Variants in NEB observed in about 807,000 individuals in gnomAD.
The protein encoded by NEB is nemaline myopathy type 2.
A neutral mutation model predicts 952.2 loss-of-function variants in NEB; 512 were observed. That is an observed-to-expected ratio of 0.54 (90% confidence interval 0.50 to 0.58). NEB has a LOEUF of 0.58. Among genes scored for constraint, NEB ranks in the 20% least tolerant of loss-of-function variants. NEB has a pLI of 0.00. For missense variants in NEB, 8,428 were observed against 9,231.1 expected, an observed-to-expected ratio of 0.91 and a Z score of 3.56; for synonymous variants, 2,900 against 3,149.8, an observed-to-expected ratio of 0.92 and a Z score of 2.66.
intron 61 of NEB, 72 bp downstream of exon 61, chr2:151,640,283 T>C (rs1216118132): frequency 6.4e-7 from 1 of 1,574,490 alleles, no homozygotes; most frequent in Non-Finnish European, 8.6e-7. Context: ...TTGTGCCATA[T>C]ATTGCCATTT....
intron 169 of NEB, 78 bp downstream of exon 169, chr2:151,499,220 T>G (rs1019441861): frequency 1.3e-6 from 1 of 756,882 alleles, no homozygotes; most frequent in African/African-American, 1.8e-5. Flanking sequence ...GATGAGTTGA[T>G]TAGATTTTTA....
intron 75 of NEB, 148 bp from the exon 76 acceptor site, chr2:151,616,257 G>A (rs2098189829): frequency 3.7e-6 from 2 of 536,664 alleles, no homozygotes; most frequent in East Asian, 3.2e-5. Context: ...TTGCCTCATG[G>A]GTGCTTAGGA....
chr2:151,731,294 G>C (rs1252019429), intron 3 of NEB, among the ~76,000 whole-genome samples: 1 of 152,070 alleles, frequency 6.6e-6, no homozygotes, highest in African/African-American at 2.4e-5. Flanking sequence ...TCTTTTTTTA[G>C]AGCTGTGCCA....
chr2:151,705,954 T>C (rs2099704208), intron 13 of NEB, among the ~76,000 whole-genome samples: 1 of 152,204 alleles, frequency 6.6e-6, no homozygotes, highest in South Asian at 2.1e-4. Flanking sequence ...GAGTAAAGAC[T>C]ACATATTGAT....
chr2:151,671,047 C>T lies in NEB; in HGVS notation c.4482G>A (p.Gln1494=). ...VPDSMGMVLA[Q]HNTKQLSDLN... ...CATCACTTAGCTGCTTTGTGTTATG[C>T]TGAGCCAACACCATGCCCATGGAAT... Residue 1494 remains glutamine, a synonymous_variant, in exon 38 of 182, where the codon CAG becomes CAA. Transcript: ENST00000397345. 2 of 1,613,938 alleles carry T rather than the reference C, an allele frequency of 1.2e-6. No individual in the cohort carries two copies. Among genetic ancestry groups the T allele is most frequent in the Non-Finnish European group, 1.7e-6 (2 of 1,179,832 alleles).
At chr2:151,655,510 A>G (rs1449862576) in intron 50 of NEB, 136 bp from the exon 51 acceptor site, 4 of 518,366 alleles carry the variant, frequency 7.7e-6, no homozygotes, top group Non-Finnish European at 1.3e-5. Context: ...TATAATTCAG[A>G]AAAGACCCTA....
At chr2:151,550,343 A>C (rs763215623) in intron 129 of NEB, among the ~76,000 whole-genome samples, 12 of 151,632 alleles carry the variant, frequency 7.9e-5, no homozygotes, top group Non-Finnish European at 1.5e-4. Flanking sequence ...TATGGCATCT[A>C]GCAAGAATTT....
At chr2:151,616,443 C>T (rs1167866005) in intron 75 of NEB, among the ~76,000 whole-genome samples, 4 of 152,034 alleles carry the variant, frequency 2.6e-5, no homozygotes, top group Non-Finnish European at 4.4e-5. Context: ...AATCCCAGCA[C>T]TTTGGGAGGC....
chr2:151,543,908 G>A (rs1180745567), intron 135 of NEB, among the ~76,000 whole-genome samples: 2 of 152,232 alleles, frequency 1.3e-5, no homozygotes, highest in African/African-American at 4.8e-5. Context: ...ATGTGTATAT[G>A]TCAAGAATCT....
At chr2:151,650,025 G>A in intron 54 of NEB, 151 bp downstream of exon 54, 3 of 745,256 alleles carry the variant, frequency 4.0e-6, no homozygotes, top group Non-Finnish European at 6.5e-6. Context: ...TAGGATAGTT[G>A]CTAATTCAAA....
chr2:151,561,757 T>G (rs1654450732), intron 121 of NEB, among the ~76,000 whole-genome samples: 1 of 152,138 alleles, frequency 6.6e-6, no homozygotes. Context: ...TACTGATCTT[T>G]TTCCTCCAAA....
Position 151,492,499 on chromosome 2 carries a change from T to C in NEB, c.24766-5A>G, listed in dbSNP as rs2152829210. The C allele has an allele frequency of 1.2e-6, 2 of 1,601,626 alleles. No homozygotes were observed. The highest frequency in any genetic ancestry group is 1.7e-5 in the Admixed American group (1 of 59,878). ...GAAACTATCAGAATAAAGAACCTGA[T>C]GCAGGAGAGACCGTGAATGAGTGGT... is the stretch of plus-strand genomic sequence containing the variant. On this transcript the variant is annotated splice_polypyrimidine_tract_variant and splice_region_variant and intron_variant, in intron 176 of 181. Coordinates refer to ENST00000397345, the MANE Select transcript of NEB (RefSeq NM_001164508.2).
At chr2:151,630,585 G>A in intron 67 of NEB, 130 bp downstream of exon 67, 1 of 666,822 alleles carries the variant, frequency 1.5e-6, no homozygotes, top group Non-Finnish European at 2.6e-6. Context: ...ACCCAGAGAT[G>A]AAAGGTTGGA....
intron 165 of NEB, 108 bp downstream of exon 165, chr2:151,505,370 C>T: frequency 1.0e-6 from 1 of 979,558 alleles, no homozygotes; most frequent in Non-Finnish European, 1.6e-6. Flanking sequence ...TCACAACATC[C>T]CCAAGGCATG....
intron 20 of NEB, 196 bp from the exon 21 acceptor site, chr2:151,692,558 C>G: frequency 1.6e-6 from 1 of 618,528 alleles, no homozygotes; most frequent in Non-Finnish European, 2.9e-6. Flanking sequence ...TGCTAATAAT[C>G]ATGAAGATGT....
In NEB at chr2:151,555,049, AGAGAAT is replaced by A. The variant is rs775961828; in HGVS notation, c.19315-11_19315-6del. The A allele has an allele frequency of 6.5e-7, 1 of 1,546,116 alleles. No individual in the cohort carries two copies. The highest frequency in any genetic ancestry group is 1.7e-5 in the Admixed American group (1 of 59,888). On this transcript the variant is annotated splice_region_variant and splice_polypyrimidine_tract_variant and intron_variant, in intron 124 of 181. Coordinates refer to ENST00000397345, the MANE Select transcript of NEB (RefSeq NM_001164508.2). ...ATATTCTTCCCGATATTTGATCTATAGAGAATAAGTAGAAAGGAAGAAACAGTTTTA... is the reference window on the plus strand; with the variant it reads ...ATATTCTTCCCGATATTTGATCTATAAAGTAGAAAGGAAGAAACAGTTTTA...
intron 105 of NEB, among the ~76,000 whole-genome samples, chr2:151,578,460 G>A (rs1481690289): frequency 6.6e-6 from 1 of 151,324 alleles, no homozygotes. Flanking sequence ...AGGGGTTTGA[G>A]ACCAGCCTGG....
chr2:151,551,809 C>T lies in NEB; in HGVS notation c.19873G>A (p.Gly6625Ser). 6.2e-7 allele frequency: 1 copy of T among 1,613,350 alleles called. No homozygotes were observed. Among genetic ancestry groups the T allele is most frequent in the Non-Finnish European group, 8.5e-7 (1 of 1,179,586 alleles). ...GTTTTGGTAGTTGGAGCCACTTTGC[C>T]TCTGACACTGTGCACATAGTCATAG... ...YHYDYVHSVR[G>S]KVAPTTKTVD... Residue 6625 changes from glycine to serine, a missense_variant, in exon 129 of 182, where the codon GGC becomes AGC. Gly to Ser is a moderately conservative substitution (Grantham distance 56). Coordinates refer to ENST00000397345, the MANE Select transcript of NEB (RefSeq NM_001164508.2).
intron 27 of NEB, among the ~76,000 whole-genome samples, chr2:151,686,233 G>A (rs1179739530): frequency 6.6e-6 from 1 of 152,160 alleles, no homozygotes; most frequent in Non-Finnish European, 1.5e-5. Context: ...AGATCCAAAT[G>A]GCTTTAAAAG....
Sources: gnomAD v4.1 joint callset for allele counts (sites outside exome capture counted in the v4.1 genomes callset) on GRCh38, gnomAD v4.1.1 for gene constraint, MANE v1.5 for transcripts, NCBI Gene and HGNC (gene_info 2026-07-23, HGNC 2026-07-21) for gene names.